The following ARHGAP23 variants were observed in gnomAD, a reference collection of about 807,000 sequenced individuals.
ARHGAP23 encodes Rho GTPase activating protein 23, also known as rho GTPase-activating protein 23.
A neutral mutation model predicts 136.3 loss-of-function variants in ARHGAP23; 34 were observed. The observed-to-expected ratio is 0.25, with a 90% CI of 0.19 to 0.33. ARHGAP23 has a LOEUF of 0.33. Among genes scored for constraint, ARHGAP23 ranks in the 10% least tolerant of loss-of-function variants. The pLI is 1.00. For synonymous variants in ARHGAP23, 832 were observed against 920.5 expected (o/e 0.90, Z 1.74); for missense variants, 1,808 against 2,139.0 (o/e 0.85, Z 3.05).
At chr17:38,424,361 C>A (rs2038549496), upstream of ARHGAP23, among the ~76,000 whole-genome samples, 1 of 152,160 alleles carries the variant, frequency 6.6e-6, no homozygotes, top group African/African-American at 2.4e-5. Flanking sequence ...TGCCTGTCGC[C>A]TGTCCCTTCC....
chr17:38,490,829 C>G (rs1255453126), intron 19 of ARHGAP23, among the ~76,000 whole-genome samples: 3 of 152,200 alleles, frequency 2.0e-5, no homozygotes, highest in African/African-American at 7.2e-5. Flanking sequence ...TCAAGTCCCT[C>G]GCATTGCATT....
rs993519846 is a variant in ARHGAP23 at position 38,466,904 on chromosome 17, C to T, written c.1221C>T (p.Gly407=). 3 of 1,550,270 alleles carry T rather than the reference C, an allele frequency of 1.9e-6. No individual in the cohort carries two copies. The highest frequency in any genetic ancestry group is 1.2e-5 in the South Asian group (1 of 84,070). The change falls in exon 7 of 24, where the codon GGC becomes GGT. Residue 407 remains glycine, a synonymous_variant. Coordinates refer to ENST00000622683, the MANE Select transcript of ARHGAP23 (RefSeq NM_001199417.2). ...GGCCCCAGGCCCCACCCCCGTCTGG[C>T]CTGCAGGGCCTGGATGACCTCGGGT... ...LPGPQAPPPS[G]LQGLDDLGYI...
At chr17:38,465,431 TC>T (rs1374433305) in intron 6 of ARHGAP23, among the ~76,000 whole-genome samples, 2 of 152,194 alleles carry the variant, frequency 1.3e-5, no homozygotes, top group African/African-American at 4.8e-5. Context: ...TGAGTTAGGC[TC>T]CTGGGCAGCT....
chr17:38,498,918 C>T, intron 22 of ARHGAP23: 1 of 698,848 alleles, frequency 1.4e-6, no homozygotes, highest in East Asian at 2.7e-5. Context: ...TCTCCTCCCC[C>T]TCCCCTCCTC....
At chr17:38,453,520 C>T (rs1230608787) in intron 1 of ARHGAP23, among the ~76,000 whole-genome samples, 1 of 148,814 alleles carries the variant, frequency 6.7e-6, no homozygotes, top group Non-Finnish European at 1.5e-5. Flanking sequence ...GTGTCTGGGT[C>T]CAGGGCTGCC....
chr17:38,422,478 C>A (rs1249245316), intron 1 of ARHGAP23, among the ~76,000 whole-genome samples: 2 of 152,158 alleles, frequency 1.3e-5, no homozygotes, highest in Admixed American at 1.3e-4. Flanking sequence ...CAGTGAAAAG[C>A]CTGCTGGGCT....
intron 21 of ARHGAP23, among the ~76,000 whole-genome samples, chr17:38,498,051 T>C (rs1422127471): frequency 1.3e-5 from 2 of 149,860 alleles, no homozygotes; most frequent in Admixed American, 6.6e-5. Flanking sequence ...GGGGGAGATA[T>C]AGGCCTTGCT....
intron 23 of ARHGAP23, among the ~76,000 whole-genome samples, chr17:38,508,972 C>A (rs1476356821): frequency 7.2e-6 from 1 of 139,512 alleles, no homozygotes; most frequent in African/African-American, 2.7e-5. Context: ...GGAACACGAA[C>A]AGAGAAGGCA....
chr17:38,446,838 C>G (rs2039046359), intron 1 of ARHGAP23, among the ~76,000 whole-genome samples: 1 of 151,942 alleles, frequency 6.6e-6, no homozygotes, highest in Admixed American at 6.6e-5. Flanking sequence ...GGGAGTCTTC[C>G]TCTGTGGCCC....
intron 21 of ARHGAP23, 66 bp downstream of exon 21, chr17:38,497,892 T>C: frequency 6.6e-7 from 1 of 1,505,202 alleles, no homozygotes; most frequent in South Asian, 1.2e-5. Flanking sequence ...TCCTTGGGGG[T>C]GGGGCAGGCA....
Position 38,510,246 on chromosome 17 carries a change from CTCCACCCTG to C in ARHGAP23, c.3757_3765del (p.Leu1253_Thr1255del), listed in dbSNP as rs1204825653. The C allele has an allele frequency of 3.4e-5, 47 of 1,374,198 alleles. No homozygotes were observed. In the East Asian group the frequency reaches 1.4e-3, roughly 42 times the overall value. 85.1% of individuals were successfully genotyped at this position (1,374,198 alleles called of 1,614,324 possible). A position where few individuals can be genotyped will look rare whatever the true frequency, so the allele number is the denominator to read the frequency against. On this transcript the variant is annotated inframe_deletion, in exon 24 of 24. Coordinates refer to ENST00000622683, the MANE Select transcript of ARHGAP23 (RefSeq NM_001199417.2). The surrounding 1 kb of genome is among the most constrained non-coding windows in gnomAD (Gnocchi z 4.6). ...ACACGCGCTCCATTGTGTCGGGCTACTCCACCCTGTCCACCATGGACCGCAGCGTGTGCT... is the reference window on the plus strand; with the variant it reads ...ACACGCGCTCCATTGTGTCGGGCTACTCCACCATGGACCGCAGCGTGTGCT...
At chr17:38,484,334 C>T (rs1377147893) in intron 16 of ARHGAP23, among the ~76,000 whole-genome samples, 3 of 151,700 alleles carry the variant, frequency 2.0e-5, no homozygotes, top group South Asian at 2.1e-4. Flanking sequence ...TGAGGAGAGG[C>T]GGAAGGGAGG....
chr17:38,463,991 A>G, intron 6 of ARHGAP23, among the ~76,000 whole-genome samples: 1 of 151,882 alleles, frequency 6.6e-6, no homozygotes, highest in East Asian at 1.9e-4. Flanking sequence ...ACACCCACAA[A>G]CATTAAAACA....
At chr17:38,427,255 A>G (rs1314383496), upstream of ARHGAP23, among the ~76,000 whole-genome samples, 1 of 152,216 alleles carries the variant, frequency 6.6e-6, no homozygotes, top group Non-Finnish European at 1.5e-5. Flanking sequence ...ACTTGAGGTC[A>G]GGAGTTTGAG....
In ARHGAP23 at chr17:38,511,130, G is replaced by T. The variant is rs1269749730; in HGVS notation, c.*158G>T. 2 of 784,432 alleles carry T rather than the reference G, an allele frequency of 2.5e-6. No individual in the cohort carries two copies. Among genetic ancestry groups the T allele is most frequent in the Non-Finnish European group, 1.8e-6 (1 of 543,792 alleles). The allele number at this position is 784,432 out of a possible 1,614,324, so 48.6% of individuals were successfully genotyped here. A position where few individuals can be genotyped will look rare whatever the true frequency, so the allele number is the denominator to read the frequency against. Reference sequence around the variant, plus strand: ...GTCTCTAGTTGGTGTGCTGGAACTGGCAGGGCAGAGGAGAAGGCTGGGGCC... The same window carrying T: ...GTCTCTAGTTGGTGTGCTGGAACTGTCAGGGCAGAGGAGAAGGCTGGGGCC... On this transcript the variant is annotated 3_prime_UTR_variant, in exon 24 of 24. Transcript: ENST00000622683.
intron 16 of ARHGAP23, among the ~76,000 whole-genome samples, chr17:38,484,184 T>A (rs557034793): frequency 6.6e-6 from 1 of 151,900 alleles, no homozygotes; most frequent in East Asian, 1.9e-4. Context: ...GACTTGGTGG[T>A]CTCAGGGGAA....
chr17:38,475,871 A>G (rs1398628451), intron 11 of ARHGAP23, among the ~76,000 whole-genome samples: 1 of 152,250 alleles, frequency 6.6e-6, no homozygotes, highest in East Asian at 1.9e-4. Flanking sequence ...ATATGGCCAG[A>G]GAAGGCCTCA....
intron 23 of ARHGAP23, among the ~76,000 whole-genome samples, chr17:38,503,149 C>T (rs2040558207): frequency 6.6e-6 from 1 of 152,142 alleles, no homozygotes; most frequent in Non-Finnish European, 1.5e-5. Context: ...AAGAGCTGGG[C>T]CCAGAGCCCG....
At chr17:38,490,401 G>A in intron 18 of ARHGAP23, 61 bp from the exon 19 acceptor site, 1 of 1,341,926 alleles carries the variant, frequency 7.5e-7, no homozygotes, top group South Asian at 1.3e-5. Flanking sequence ...GCATGGTGAT[G>A]ACGGGGGACA....
Sources: allele counts gnomAD v4.1 joint callset (sites outside exome capture counted in the v4.1 genomes callset), GRCh38; gene constraint gnomAD v4.1.1; non-coding constraint Gnocchi (gnomAD v3.1); transcripts MANE v1.5; gene names NCBI Gene and HGNC (gene_info 2026-07-23, HGNC 2026-07-21).